MCTP2: variants seen among roughly 807,000 people sequenced by gnomAD.
MCTP2 encodes the protein multiple C2 and transmembrane domain-containing protein 2.
MCTP2 carries 132 observed loss-of-function variants against 111.6 expected under a neutral mutation model. That is an observed-to-expected ratio of 1.18 (90% CI 1.03 to 1.37). The LOEUF is 1.37. Among genes scored for constraint, MCTP2 ranks in the 40% most tolerant of loss-of-function variants. MCTP2 has a pLI of 0.00. For missense variants in MCTP2, 1,183 were observed against 1,067.9 expected (o/e 1.11, Z -1.50); for synonymous variants, 395 against 387.7 (o/e 1.02, Z -0.22).
At chr15:94,256,369 A>G (rs2072771451) in intron 1 of MCTP2, among the ~76,000 whole-genome samples, 1 of 152,198 alleles carries the variant, frequency 6.6e-6, no homozygotes. Context: ...GGTCCCAAGC[A>G]TTTTGAATAA....
intron 1 of MCTP2, among the ~76,000 whole-genome samples, chr15:94,276,710 G>A (rs2152307366): frequency 9.1e-6 from 1 of 110,204 alleles, no homozygotes; most frequent in South Asian, 2.5e-4. Context: ...TTTAACATTA[G>A]AATATCAATG....
intron 1 of MCTP2, among the ~76,000 whole-genome samples, chr15:94,289,189 A>G (rs893836991): frequency 5.3e-5 from 8 of 152,228 alleles, no homozygotes; most frequent in African/African-American, 1.9e-4. Flanking sequence ...ACACCCAGGC[A>G]CATCATAAAC....
chr15:94,245,379 TATATGTATTTATATAC>T (rs2071809456), intron 1 of MCTP2, among the ~76,000 whole-genome samples: 1 of 129,940 alleles, frequency 7.7e-6, no homozygotes, highest in African/African-American at 2.9e-5. Context: ...CATACATATG[TATATGTATTTATATAC>T]ATGTGTGTAT....
intron 1 of MCTP2, among the ~76,000 whole-genome samples, chr15:94,296,797 G>T (rs1021483948): frequency 3.9e-5 from 6 of 152,200 alleles, no homozygotes; most frequent in African/African-American, 1.4e-4. Flanking sequence ...TGTAACCCAT[G>T]GAGTCTGTTT....
chr15:94,392,098 G>A lies in MCTP2; in HGVS notation c.1788+6573G>A, dbSNP rs145274655. Among the ~76,000 whole-genome samples, 748 of 152,216 alleles carry A rather than the reference G, an allele frequency of 4.9e-3. 8 individuals are homozygous for A. The highest frequency in any genetic ancestry group is 0.017 in the African/African-American group (702 of 41,550). On this transcript the variant is annotated intron_variant, in intron 14 of 22. Transcript: ENST00000357742. ...CAATAAGGTTATTATAAGGCCAGGC[G>A]CGGTGGCTCATGCCTGTAATCCCAG...
intron 5 of MCTP2, 108 bp downstream of exon 5, chr15:94,339,540 CAG>C (rs1358768955): frequency 1.3e-6 from 1 of 793,272 alleles, no homozygotes; most frequent in Non-Finnish European, 1.8e-6. Context: ...TTTATTAGGA[CAG>C]ATTAAAAATA....
At chr15:94,335,112 A>C (rs976425856) in intron 4 of MCTP2, among the ~76,000 whole-genome samples, 8 of 152,250 alleles carry the variant, frequency 5.3e-5, no homozygotes, top group Non-Finnish European at 1.2e-4. Context: ...CTCAACTACC[A>C]GGTTTCCTAG....
chr15:94,298,779 TCTTTCC>T, intron 2 of MCTP2, 49 bp downstream of exon 2: 2 of 1,207,564 alleles, frequency 1.7e-6, no homozygotes, highest in Non-Finnish European at 2.3e-6. Flanking sequence ...TCTCTCTCTC[TCTTTCC>T]CTCTCTTTCT....
At position 94,470,338 on chromosome 15, in the gene MCTP2, T is replaced by G. The variant is rs1022580614; in HGVS notation, c.2366T>G (p.Phe789Cys). The stretch of plus-strand genomic sequence containing the variant: ...TTTATGTGGTTTGTCTACAGCACAT[T>G]TAACTGGACGGTCCCCTTCCTTTCA... ...ASFGERIKNT[F>C]NWTVPFLSSL... is the part of the protein sequence containing the mutation. The change falls in exon 21 of 23, where the codon TTT becomes TGT. Residue 789 changes from phenylalanine (F) to cysteine (C), a missense_variant. Phe to Cys is a radical substitution (Grantham distance 205, BLOSUM62 -2). Coordinates refer to ENST00000357742, the MANE Select transcript of MCTP2 (RefSeq NM_001385001.1). 1 of 1,611,320 alleles carries G rather than the reference T, an allele frequency of 6.2e-7. No individual in the cohort carries two copies. The highest frequency in any genetic ancestry group is 1.3e-5 in the African/African-American group (1 of 74,982).
At chr15:94,297,953 A>G (rs934702927) in intron 1 of MCTP2, among the ~76,000 whole-genome samples, 2 of 150,650 alleles carry the variant, frequency 1.3e-5, no homozygotes, top group East Asian at 1.9e-4. Flanking sequence ...TGCCAACCTT[A>G]TCATCTCATT....
At chr15:94,264,854 A>G (rs188187496) in intron 1 of MCTP2, among the ~76,000 whole-genome samples, 1 of 152,330 alleles carries the variant, frequency 6.6e-6, no homozygotes, top group Admixed American at 6.5e-5. Flanking sequence ...CTGAGGTAAT[A>G]TTAGAACAAA....
intron 20 of MCTP2, among the ~76,000 whole-genome samples, chr15:94,462,435 C>G (rs1465726322): frequency 6.6e-6 from 1 of 152,166 alleles, no homozygotes; most frequent in African/African-American, 2.4e-5. Flanking sequence ...TGTTGTTTTA[C>G]AAAGTGTCTT....
intron 1 of MCTP2, among the ~76,000 whole-genome samples, chr15:94,260,523 T>G (rs2073120905): frequency 6.6e-6 from 1 of 152,170 alleles, no homozygotes. Flanking sequence ...CAACACCATA[T>G]TAAGGACTTT....
chr15:94,351,985 A>G (rs989162801), intron 8 of MCTP2, among the ~76,000 whole-genome samples: 1 of 152,224 alleles, frequency 6.6e-6, no homozygotes, highest in Non-Finnish European at 1.5e-5. Flanking sequence ...TGACCTGTCC[A>G]TCCTTCCTCA....
chr15:94,356,153 A>G lies in MCTP2; in HGVS notation c.1022A>G (p.Asn341Ser). The stretch of plus-strand genomic sequence containing the variant: ...TTGCTTTAGTCCTCTTTGATACGCA[A>G]CCTACGGCTCTCTGAGTCCTTGAAA... ...LSASKSSLIR[N>S]LRLSESLKKN... is the part of the protein sequence containing the mutation. The change falls in exon 9 of 23, where the codon AAC becomes AGC. Residue 341 changes from asparagine (N) to serine (S), a missense_variant. By Grantham distance (46) the Asn-to-Ser change is conservative. Coordinates refer to ENST00000357742, the MANE Select transcript of MCTP2 (RefSeq NM_001385001.1). 2.5e-6 allele frequency: 4 copies of G among 1,608,782 alleles called. No homozygotes were observed. The highest frequency in any genetic ancestry group is 2.2e-5 in the East Asian group (1 of 44,664).
intron 4 of MCTP2, among the ~76,000 whole-genome samples, chr15:94,326,539 T>C (rs2076879160): frequency 6.6e-6 from 1 of 152,132 alleles, no homozygotes; most frequent in Admixed American, 6.5e-5. Context: ...TTTTTGTTTC[T>C]CACCTACCTT....
At chr15:94,422,172 G>A (rs2152494425) in intron 17 of MCTP2, among the ~76,000 whole-genome samples, 1 of 152,252 alleles carries the variant, frequency 6.6e-6, no homozygotes, top group South Asian at 2.1e-4. Context: ...CGGCTGGAGG[G>A]CAGGAAGTCT....
At chr15:94,385,663 C>CAT in intron 14 of MCTP2, 138 bp downstream of exon 14, 1 of 611,640 alleles carries the variant, frequency 1.6e-6, no homozygotes, top group East Asian at 2.7e-5. Flanking sequence ...TGTTTTATTC[C>CAT]TCATTCTTTT....
chr15:94,246,026 G>A (rs1436126161), intron 1 of MCTP2, among the ~76,000 whole-genome samples: 1 of 152,042 alleles, frequency 6.6e-6, no homozygotes, highest in Admixed American at 6.6e-5. Context: ...GGCTGAGAGT[G>A]GGGAGGAAAA....
Sources: gnomAD v4.1 joint callset for allele counts (sites outside exome capture counted in the v4.1 genomes callset) on GRCh38, gnomAD v4.1.1 for gene constraint, MANE v1.5 for transcripts, NCBI Gene and HGNC (gene_info 2026-07-23, HGNC 2026-07-21) for gene names.